SIPA1L3: variants seen among roughly 807,000 people sequenced by gnomAD.
SIPA1L3 encodes the protein signal-induced proliferation-associated 1-like protein 3.
Under a neutral mutation model 150.1 loss-of-function variants are expected in SIPA1L3, and 59 were observed. The observed-to-expected ratio is 0.39, with a 90% CI of 0.32 to 0.49. SIPA1L3 has a LOEUF of 0.49. Among genes scored for constraint, SIPA1L3 ranks in the 20% least tolerant of loss-of-function variants. The pLI is 0.86. For missense variants in SIPA1L3, 2,211 were observed against 2,489.5 expected, an observed-to-expected ratio of 0.89 and a Z score of 2.38; for synonymous variants, 1,070 against 1,077.6, an observed-to-expected ratio of 0.99 and a Z score of 0.14.
intron 15 of SIPA1L3, among the ~76,000 whole-genome samples, chr19:38,173,380 C>T (rs1219835815): frequency 1.3e-5 from 2 of 152,268 alleles, no homozygotes; most frequent in Non-Finnish European, 2.9e-5. Flanking sequence ...GGGAGCCCAG[C>T]TGCCAGGCAT....
chr19:38,161,713 C>T (rs1038637686), intron 13 of SIPA1L3, among the ~76,000 whole-genome samples: 6 of 151,928 alleles, frequency 3.9e-5, no homozygotes, highest in East Asian at 3.9e-4. Context: ...AGCGACAGAG[C>T]GAGACCCCAT....
At chr19:38,005,134 A>C (rs1967909686) in intron 1 of SIPA1L3, among the ~76,000 whole-genome samples, 1 of 150,906 alleles carries the variant, frequency 6.6e-6, no homozygotes, top group South Asian at 2.1e-4. Flanking sequence ...GGATGAAGTC[A>C]TTGCTCCCTC....
At chr19:37,928,199 C>T (rs1258624655) in intron 1 of SIPA1L3, among the ~76,000 whole-genome samples, 1 of 152,062 alleles carries the variant, frequency 6.6e-6, no homozygotes, top group Non-Finnish European at 1.5e-5. Context: ...AGCATGGTGA[C>T]GTGATTTGGA....
At chr19:37,960,295 A>T (rs566624584) in intron 1 of SIPA1L3, among the ~76,000 whole-genome samples, 1 of 152,300 alleles carries the variant, frequency 6.6e-6, no homozygotes, top group East Asian at 1.9e-4. Flanking sequence ...TCTGTAGCAC[A>T]GGCTGGAGTG....
intron 13 of SIPA1L3, among the ~76,000 whole-genome samples, chr19:38,159,688 C>T (rs1972032543): frequency 6.6e-6 from 1 of 152,246 alleles, no homozygotes; most frequent in East Asian, 1.9e-4. Flanking sequence ...CACTGTGCGA[C>T]CTTGGACCAG....
At chr19:38,120,592 C>T (rs956013757) in intron 9 of SIPA1L3, among the ~76,000 whole-genome samples, 2 of 152,138 alleles carry the variant, frequency 1.3e-5, no homozygotes, top group Admixed American at 6.6e-5. Context: ...TACAAGAAAG[C>T]ACAAAGGAAC....
intron 9 of SIPA1L3, among the ~76,000 whole-genome samples, chr19:38,128,157 C>A (rs961537998): frequency 6.8e-6 from 1 of 147,146 alleles, no homozygotes. Flanking sequence ...TGTGTTCAAG[C>A]GATTCTCCTG....
Position 38,119,739 on chromosome 19 carries a change from T to G in SIPA1L3, c.2725T>G (p.Phe909Val), listed in dbSNP as rs1461647076. ...LLDLRTKEVV[F>V]NCYCGDVIGW... ...GGACTTACGCACCAAGGAGGTGGTG[T>G]TCAACTGCTACTGCGGGGATGTCAT... The change falls in exon 9 of 22, where the codon TTC becomes GTC. Residue 909 changes from phenylalanine to valine, a missense_variant. Phe to Val is a conservative substitution (Grantham distance 50, BLOSUM62 -1). Transcript: ENST00000222345. 6.2e-7 allele frequency: 1 copy of G among 1,614,104 alleles called. No homozygotes were observed.
intron 1 of SIPA1L3, among the ~76,000 whole-genome samples, chr19:37,930,025 A>T (rs1051790488): frequency 1.1e-4 from 15 of 131,762 alleles, no homozygotes; most frequent in South Asian, 2.6e-4. Context: ...TGCCTGGCAA[A>T]TTTTTTTTTT....
In SIPA1L3 at chr19:38,130,536, T is replaced by G. The variant is rs2145918356; in HGVS notation, c.2907T>G (p.Leu969=). The G allele has an allele frequency of 6.2e-7, 1 of 1,613,370 alleles. No homozygotes were observed. The highest frequency in any genetic ancestry group is 2.2e-5 in the East Asian group (1 of 44,872). The change falls in exon 10 of 22, where the codon CTT becomes CTG. Residue 969 remains leucine, a synonymous_variant. Coordinates refer to ENST00000222345, the MANE Select transcript of SIPA1L3 (RefSeq NM_015073.3). ...GCTGGGAGACGGTGGACATGACGCT[T>G]CGGCGGAACGGGCTCGGGCAGCTGG... is the stretch of plus-strand genomic sequence containing the variant. ...TSGWETVDMT[L]RRNGLGQLGF...
intron 8 of SIPA1L3, among the ~76,000 whole-genome samples, chr19:38,117,516 G>A (rs1166707863): frequency 6.6e-6 from 1 of 152,082 alleles, no homozygotes; most frequent in Non-Finnish European, 1.5e-5. Context: ...CTACTTGGGA[G>A]GATGAGGCAG....
intron 15 of SIPA1L3, among the ~76,000 whole-genome samples, chr19:38,169,198 G>C (rs1972273118): frequency 6.6e-6 from 1 of 152,136 alleles, no homozygotes. Flanking sequence ...AGACCAGCCT[G>C]ACCAACACGG....
intron 2 of SIPA1L3, among the ~76,000 whole-genome samples, chr19:38,037,838 G>A (rs556188330): frequency 1.2e-4 from 18 of 152,200 alleles, no homozygotes; most frequent in African/African-American, 3.6e-4. Context: ...AAGCAGTCAG[G>A]CCCCCCACCT....
At chr19:38,066,218 A>T (rs1225557364) in intron 2 of SIPA1L3, among the ~76,000 whole-genome samples, 1 of 151,526 alleles carries the variant, frequency 6.6e-6, no homozygotes, top group East Asian at 1.9e-4. Context: ...GGGTCTCGTT[A>T]TGTTATCCAG....
At chr19:38,124,594 C>T (rs1315961086) in intron 9 of SIPA1L3, among the ~76,000 whole-genome samples, 4 of 151,708 alleles carry the variant, frequency 2.6e-5, no homozygotes, top group African/African-American at 7.3e-5. Flanking sequence ...ACTTCCCAGA[C>T]GGGGTGGCGG....
chr19:38,082,783 C>T lies in SIPA1L3; in HGVS notation c.1218C>T (p.Asn406=). 6.2e-7 allele frequency: 1 copy of T among 1,613,454 alleles called. No homozygotes were observed. Residue 406 remains asparagine, a synonymous_variant, in exon 3 of 22, where the codon AAC becomes AAT. Transcript: ENST00000222345. ...DPAFTSTEDL[N]CKENLEQDLG... The stretch of plus-strand genomic sequence containing the variant: ...CCTTCACCAGCACAGAGGACCTAAA[C>T]TGCAAGGAGAACTTGGAGCAGGACC...
At chr19:38,085,479 C>CAAA (rs1169340957) in intron 3 of SIPA1L3, among the ~76,000 whole-genome samples, 43 of 65,990 alleles carry the variant, frequency 6.5e-4, no homozygotes, top group South Asian at 1.2e-3. Flanking sequence ...GACTCCGTCT[C>CAAA]AAAAAAAAAA....
intron 12 of SIPA1L3, among the ~76,000 whole-genome samples, chr19:38,144,228 G>A (rs999524386): frequency 6.6e-6 from 1 of 152,262 alleles, no homozygotes. Flanking sequence ...AGCTAAGAGT[G>A]TGTGTGCTTG....
At chr19:37,978,134 C>G (rs1475187628) in intron 1 of SIPA1L3, among the ~76,000 whole-genome samples, 1 of 152,206 alleles carries the variant, frequency 6.6e-6, no homozygotes, top group African/African-American at 2.4e-5. Context: ...GAGGGCAGAC[C>G]CAGAGTTGGG....
Sources: gnomAD v4.1 joint callset for allele counts (sites outside exome capture counted in the v4.1 genomes callset) on GRCh38, gnomAD v4.1.1 for gene constraint, MANE v1.5 for transcripts, NCBI Gene and HGNC (gene_info 2026-07-23, HGNC 2026-07-21) for gene names.